The following FHL2 variants were observed in gnomAD, a reference collection of about 807,000 sequenced individuals.
The protein encoded by FHL2 is four and a half LIM domains protein 2.
Under a neutral mutation model 32.7 loss-of-function variants are expected in FHL2, and 20 were observed. That is an observed-to-expected ratio of 0.61 (90% CI 0.43 to 0.89). The LOEUF (loss-of-function observed/expected upper bound fraction) is 0.89, where lower values mean the gene tolerates loss of function less well. Ranked by LOEUF, FHL2 falls within the 40% of genes least tolerant of loss-of-function variation. The probability of loss-of-function intolerance (pLI) is 0.00; values close to 1 mark genes in which losing one functional copy is unlikely to be tolerated. For synonymous variants in FHL2, 123 were observed against 128.1 expected (o/e 0.96, Z 0.27); for missense variants, 311 against 358.6 (o/e 0.87, Z 1.07).
At chr2:105,361,700 G>A (rs753198541) in intron 6 of FHL2, among the ~76,000 whole-genome samples, 13 of 152,188 alleles carry the variant, frequency 8.5e-5, no homozygotes, top group Non-Finnish European at 1.5e-4. Context: ...CTGTGTATTT[G>A]TTATGTGTTT....
chr2:105,425,207 A>C (rs1684222170), intron 1 of FHL2, among the ~76,000 whole-genome samples: 1 of 140,614 alleles, frequency 7.1e-6, no homozygotes, highest in Non-Finnish European at 1.5e-5. Flanking sequence ...GAGCTCACAA[A>C]AACATGTGTT....
chr2:105,402,211 G>GTA (rs1162021773), upstream of FHL2, among the ~76,000 whole-genome samples: 112 of 148,008 alleles, frequency 7.6e-4, 1 homozygote, highest in African/African-American at 1.8e-4. Context: ...GTGTATATAT[G>GTA]TATATATATG....
chr2:105,386,694 A>G (rs1682345214), intron 2 of FHL2, among the ~76,000 whole-genome samples, 154 bp from the exon 3 acceptor site: 1 of 151,348 alleles, frequency 6.6e-6, no homozygotes, highest in South Asian at 2.1e-4. Flanking sequence ...AATCGGTCAT[A>G]ATTTTTAATG....
At chr2:105,424,251 A>T (rs540994322) in intron 1 of FHL2, among the ~76,000 whole-genome samples, 1 of 152,376 alleles carries the variant, frequency 6.6e-6, no homozygotes, top group South Asian at 2.1e-4. Flanking sequence ...GAAGACATTT[A>T]TGCAGCCAAC....
At chr2:105,388,801 C>A (rs1682510410) in intron 2 of FHL2, among the ~76,000 whole-genome samples, 1 of 151,652 alleles carries the variant, frequency 6.6e-6, no homozygotes, top group African/African-American at 2.4e-5. Flanking sequence ...ACCACTGCAC[C>A]CCAGCCTGGG....
At chr2:105,433,963 A>T (rs906838668) in intron 1 of FHL2, among the ~76,000 whole-genome samples, 1 of 152,112 alleles carries the variant, frequency 6.6e-6, no homozygotes, top group Admixed American at 6.5e-5. Context: ...TCCTTAAGTC[A>T]TTACCCACCC....
rs190202257 is a variant in FHL2 at position 105,386,195 on chromosome 2, C to T, written c.156+166G>A. The stretch of plus-strand genomic sequence containing the variant: ...AGTGCTTGTGGGCAGAGATCACATT[C>T]GCTAGAGGGAAGAAGCTTCCGAAAG... On this transcript the variant is annotated intron_variant, in intron 3 of 6. Transcript: ENST00000530340. 6.7e-3 allele frequency: 4,387 copies of T among 658,532 alleles called. 40 individuals are homozygous for T. Among genetic ancestry groups the T allele is most frequent in the Non-Finnish European group, 5.6e-3 (2,255 of 400,922 alleles). The allele number at this position is 658,532 out of a possible 1,614,324, so 40.8% of individuals were successfully genotyped here.
chr2:105,371,005 A>G (rs533766433), intron 4 of FHL2, among the ~76,000 whole-genome samples: 2 of 152,184 alleles, frequency 1.3e-5, no homozygotes, highest in African/African-American at 4.8e-5. Flanking sequence ...CCCATTCCTT[A>G]GTAGAAGAGG....
At chr2:105,381,333 C>T (rs1681869006) in intron 3 of FHL2, among the ~76,000 whole-genome samples, 1 of 152,150 alleles carries the variant, frequency 6.6e-6, no homozygotes, top group Admixed American at 6.5e-5. Flanking sequence ...TGGCATGTCA[C>T]AGGTGCTCCC....
At chr2:105,380,554 G>T (rs1174169830) in intron 3 of FHL2, among the ~76,000 whole-genome samples, 1 of 152,136 alleles carries the variant, frequency 6.6e-6, no homozygotes, top group Non-Finnish European at 1.5e-5. Context: ...AAACAGAAAA[G>T]CTCCAAACCG....
intron 1 of FHL2, among the ~76,000 whole-genome samples, chr2:105,411,274 C>G (rs777962546): frequency 2.6e-5 from 4 of 152,214 alleles, no homozygotes; most frequent in Non-Finnish European, 5.9e-5. Context: ...CTAGTATTAT[C>G]TTTGAGTTTG....
At chr2:105,403,939 G>A (rs1391538255), upstream of FHL2, among the ~76,000 whole-genome samples, 1 of 152,188 alleles carries the variant, frequency 6.6e-6, no homozygotes, top group East Asian at 1.9e-4. Flanking sequence ...CATTCTCTGG[G>A]AGAGGCCAAA....
At chr2:105,368,086 T>A (rs1050954329) in intron 4 of FHL2, among the ~76,000 whole-genome samples, 17 of 152,244 alleles carry the variant, frequency 1.1e-4, no homozygotes, top group Admixed American at 9.8e-4. Context: ...CTCCGATGAA[T>A]TCCCATGGAG....
At chr2:105,435,981 T>C (rs189683975) in intron 1 of FHL2, among the ~76,000 whole-genome samples, 33 of 152,370 alleles carry the variant, frequency 2.2e-4, no homozygotes, top group Admixed American at 1.0e-3. Flanking sequence ...TTCAGTTTAA[T>C]TTTTCAGTAT....
chr2:105,409,868 C>T (rs1164764097), intron 1 of FHL2, among the ~76,000 whole-genome samples: 3 of 152,234 alleles, frequency 2.0e-5, no homozygotes, highest in Non-Finnish European at 4.4e-5. Context: ...GGGAAACTTG[C>T]CCTAGCATCT....
intron 2 of FHL2, among the ~76,000 whole-genome samples, chr2:105,388,732 G>A (rs993599040): frequency 1.3e-5 from 2 of 151,904 alleles, no homozygotes; most frequent in African/African-American, 2.4e-5. Flanking sequence ...TACTCAGGAC[G>A]CTAAGGCAGG....
intron 3 of FHL2, among the ~76,000 whole-genome samples, chr2:105,377,552 C>T (rs771327819): frequency 6.6e-5 from 10 of 152,168 alleles, no homozygotes; most frequent in Admixed American, 3.3e-4. Context: ...AATCTTGAAC[C>T]CGGGAGGTGG....
At chr2:105,382,785 A>G (rs1397938898) in intron 3 of FHL2, among the ~76,000 whole-genome samples, 1 of 152,190 alleles carries the variant, frequency 6.6e-6, no homozygotes, top group Non-Finnish European at 1.5e-5. Flanking sequence ...CCCATGGAAC[A>G]TTCAAAGTCT....
intron 1 of FHL2, 121 bp from the exon 2 acceptor site, chr2:105,396,818 G>A (rs1055329961): frequency 9.8e-6 from 8 of 815,378 alleles, no homozygotes; most frequent in South Asian, 5.2e-5. Flanking sequence ...TAATAAAACC[G>A]CACAGAAGAA....
Sources: gnomAD v4.1 joint callset for allele counts (sites outside exome capture counted in the v4.1 genomes callset) on GRCh38, gnomAD v4.1.1 for gene constraint, MANE v1.5 for transcripts, NCBI Gene and HGNC (gene_info 2026-07-23, HGNC 2026-07-21) for gene names.